Variants in WWOX observed in about 807,000 individuals in gnomAD.
The protein encoded by WWOX is WW domain-containing oxidoreductase.
A neutral mutation model predicts 46.2 loss-of-function variants in WWOX; 69 were observed. The observed-to-expected ratio is 1.49, with a 90% CI of 1.23 to 1.82. The LOEUF is 1.82. Ranked by LOEUF, WWOX falls within the 40% of genes most tolerant of loss-of-function variation. The pLI is 0.00. For synonymous variants in WWOX, 359 were observed against 202.6 expected (o/e 1.77, Z -6.56); for missense variants, 919 against 542.6 (o/e 1.69, Z -6.89).
chr16:79,066,370 C>T (rs1200698505), intron 8 of WWOX, among the ~76,000 whole-genome samples: 3 of 152,174 alleles, frequency 2.0e-5, no homozygotes, highest in Admixed American at 6.5e-5. Flanking sequence ...ACATAGTAGA[C>T]TCCATCAGGG....
intron 8 of WWOX, among the ~76,000 whole-genome samples, chr16:78,794,703 C>T (rs117889047): frequency 6.4e-4 from 97 of 152,308 alleles, no homozygotes; most frequent in Non-Finnish European, 1.3e-3. Context: ...TTTGTCATTA[C>T]GCTTACTGTT....
At chr16:78,933,299 C>G (rs1378130345) in intron 8 of WWOX, among the ~76,000 whole-genome samples, 2 of 152,140 alleles carry the variant, frequency 1.3e-5, no homozygotes, top group Admixed American at 6.5e-5. Flanking sequence ...ATTAGCTGAG[C>G]ATGGTGTCAC....
chr16:79,021,025 A>C (rs931078818), intron 8 of WWOX, among the ~76,000 whole-genome samples: 37 of 152,330 alleles, frequency 2.4e-4, no homozygotes, highest in African/African-American at 8.7e-4. Context: ...CCAAGAGGAT[A>C]CACAAGCTTC....
chr16:79,063,262 T>G (rs976331984), intron 8 of WWOX, among the ~76,000 whole-genome samples: 3 of 152,198 alleles, frequency 2.0e-5, no homozygotes, highest in Non-Finnish European at 4.4e-5. Context: ...TTAGATATGG[T>G]TACCCAGCCC....
intron 8 of WWOX, among the ~76,000 whole-genome samples, chr16:78,537,317 A>G (rs1433165014): frequency 1.3e-5 from 2 of 152,160 alleles, no homozygotes; most frequent in Non-Finnish European, 2.9e-5. Context: ...GAAATAACCC[A>G]ATGATACATG....
chr16:78,415,574 C>G (rs1244259374), intron 6 of WWOX, among the ~76,000 whole-genome samples: 2 of 152,120 alleles, frequency 1.3e-5, no homozygotes, highest in African/African-American at 2.4e-5. Flanking sequence ...AGACTAAGGA[C>G]AAGATGGAGT....
At chr16:78,841,020 A>G (rs1298870234) in intron 8 of WWOX, among the ~76,000 whole-genome samples, 1 of 152,098 alleles carries the variant, frequency 6.6e-6, no homozygotes, top group Non-Finnish European at 1.5e-5. Context: ...CCATCCTGTG[A>G]TGCCATAGGC....
intron 8 of WWOX, among the ~76,000 whole-genome samples, chr16:78,735,494 G>A (rs565208782): frequency 1.3e-4 from 19 of 151,940 alleles, no homozygotes; most frequent in Non-Finnish European, 2.2e-4. Flanking sequence ...TGACGTGCTT[G>A]AACTCGAGGA....
At chr16:78,387,197 G>C (rs763582924) in intron 6 of WWOX, among the ~76,000 whole-genome samples, 28 of 152,170 alleles carry the variant, frequency 1.8e-4, no homozygotes, top group Non-Finnish European at 5.9e-5. Context: ...TAAAGCACTA[G>C]TAAAAGTGGC....
At chr16:78,754,152 C>G (rs1213712929) in intron 8 of WWOX, among the ~76,000 whole-genome samples, 1 of 151,998 alleles carries the variant, frequency 6.6e-6, no homozygotes, top group Admixed American at 6.6e-5. Context: ...TGTGGCAGCT[C>G]TTTCTCTAGA....
rs530882959 is a variant in WWOX, at chr16:78,315,174, G to T, written c.517-71686G>T. The stretch of plus-strand genomic sequence containing the variant: ...TCTTATGTAAGAAAACTCTGAACGC[G>T]AGGCCAAAGTAGAATTTTCCCTGAA... On this transcript the variant is annotated intron_variant, in intron 5 of 8. Transcript: ENST00000566780. Among the ~76,000 whole-genome samples the T allele has an allele frequency of 4.6e-5, 7 of 152,224 alleles. No individual in the cohort carries two copies. The South Asian group carries it at 1.5e-3, about 32-fold the overall frequency.
At chr16:79,201,476 ATTC>A (rs2051350936) in intron 8 of WWOX, among the ~76,000 whole-genome samples, 1 of 151,930 alleles carries the variant, frequency 6.6e-6, no homozygotes, top group Non-Finnish European at 1.5e-5. Context: ...ACTTTGCAGC[ATTC>A]TTCAAGGGCT....
At chr16:78,436,780 A>G (rs527815406) in intron 8 of WWOX, among the ~76,000 whole-genome samples, 8 of 152,294 alleles carry the variant, frequency 5.3e-5, no homozygotes, top group African/African-American at 1.7e-4. Context: ...AGTAAGATAG[A>G]CCAGACTGAC....
At chr16:78,595,286 TC>T (rs1209090018) in intron 8 of WWOX, among the ~76,000 whole-genome samples, 1 of 86,784 alleles carries the variant, frequency 1.2e-5, no homozygotes, top group Non-Finnish European at 2.7e-5. Flanking sequence ...ACTGGAAATG[TC>T]TTTTTTTTTT....
At chr16:78,412,737 G>A (rs533662980) in intron 6 of WWOX, among the ~76,000 whole-genome samples, 91 of 152,282 alleles carry the variant, frequency 6.0e-4, no homozygotes, top group Non-Finnish European at 1.1e-3. Context: ...TCCTCGCCAG[G>A]CAGTTTTGAG....
chr16:78,310,402 TAACA>T (rs963686721), intron 5 of WWOX, among the ~76,000 whole-genome samples: 2 of 152,228 alleles, frequency 1.3e-5, no homozygotes, highest in African/African-American at 2.4e-5. Flanking sequence ...TTTCACAGAA[TAACA>T]AACACATGCT....
At chr16:78,712,823 T>G (rs932214434) in intron 8 of WWOX, among the ~76,000 whole-genome samples, 10 of 152,154 alleles carry the variant, frequency 6.6e-5, no homozygotes, top group Non-Finnish European at 5.9e-5. Context: ...CGTAAATAAT[T>G]CAAGATTGGA....
chr16:78,723,365 A>C (rs76415067), intron 8 of WWOX, among the ~76,000 whole-genome samples: 2 of 152,074 alleles, frequency 1.3e-5, no homozygotes, highest in African/African-American at 4.8e-5. Flanking sequence ...GCCTTCCCCT[A>C]TGAGAAGTGA....
chr16:79,006,316 G>A (rs2047189990), intron 8 of WWOX, among the ~76,000 whole-genome samples: 1 of 152,140 alleles, frequency 6.6e-6, no homozygotes. Flanking sequence ...GGGACACACA[G>A]CCGTGCAGAG....
Sources: allele counts gnomAD v4.1 joint callset (sites outside exome capture counted in the v4.1 genomes callset), GRCh38; gene constraint gnomAD v4.1.1; transcripts MANE v1.5; gene names NCBI Gene and HGNC (gene_info 2026-07-23, HGNC 2026-07-21).